Variants in HMCN1 observed in about 807,000 individuals in gnomAD.
HMCN1 encodes the protein hemicentin 1.
A neutral mutation model predicts 625.9 loss-of-function variants in HMCN1; 321 were observed. The ratio of observed to expected loss-of-function variants is 0.51; its 90% CI spans 0.47 to 0.56. The LOEUF (loss-of-function observed/expected upper bound fraction) is 0.56. HMCN1 is among the 20% of genes least tolerant of loss of function. HMCN1 has a pLI of 0.00. For missense variants in HMCN1, 6,588 were observed against 6,887.3 expected, an observed-to-expected ratio of 0.96 and a Z score of 1.54; for synonymous variants, 2,425 against 2,417.6, an observed-to-expected ratio of 1.00 and a Z score of -0.09.
intron 4 of HMCN1, among the ~76,000 whole-genome samples, chr1:185,898,798 A>T (rs1332238150): frequency 2.0e-5 from 3 of 152,100 alleles, no homozygotes; most frequent in African/African-American, 7.2e-5. Flanking sequence ...TTTACTCAAC[A>T]GTTAAGTCTA....
At chr1:185,891,211 A>G (rs1665055531) in intron 4 of HMCN1, among the ~76,000 whole-genome samples, 1 of 137,132 alleles carries the variant, frequency 7.3e-6, no homozygotes, top group Non-Finnish European at 1.5e-5. Context: ...GTGTCTCAGC[A>G]CGTGAGATGG....
At chr1:185,955,378 GAAA>G (rs371044222) in intron 11 of HMCN1, among the ~76,000 whole-genome samples, 5 of 151,444 alleles carry the variant, frequency 3.3e-5, no homozygotes, top group African/African-American at 9.7e-5. Flanking sequence ...AATGCATAGA[GAAA>G]AAAAAGAAAT....
chr1:186,045,419 G>T (rs532704510), intron 40 of HMCN1, among the ~76,000 whole-genome samples: 8 of 152,254 alleles, frequency 5.3e-5, no homozygotes, highest in African/African-American at 1.7e-4. Flanking sequence ...TCTAGTTCTA[G>T]AAGTTTCTTA....
rs778809516 is a variant in HMCN1 at position 186,151,614 on chromosome 1, A to T, written c.14767A>T (p.Met4923Leu). Residue 4923 changes from methionine to leucine, a missense_variant, in exon 95 of 107, where the codon ATG (methionine) becomes TTG (leucine). By Grantham distance (15) the Met-to-Leu change is conservative (BLOSUM62 2). This residue lies in a region of HMCN1 where 1,954 missense variants were observed against 2,013.1 expected (regional missense o/e 0.97). Coordinates refer to ENST00000271588, the MANE Select transcript of HMCN1 (RefSeq NM_031935.3). ...TCCTTTTTTTTCTTTAGGTTCAGCA[A>T]TGAGAAAGATAGTTTCTATTCTAAA... Reference protein sequence around the residue: ...TNVPRSLGSAMRKIVSILNPI... With the variant: ...TNVPRSLGSALRKIVSILNPI... 3 of 1,612,508 alleles carry T rather than the reference A, an allele frequency of 1.9e-6. No individual in the cohort carries two copies. In the South Asian group the frequency reaches 3.3e-5, roughly 18 times the overall value.
At chr1:185,867,206 G>A (rs1487548651) in intron 4 of HMCN1, among the ~76,000 whole-genome samples, 2 of 152,122 alleles carry the variant, frequency 1.3e-5, no homozygotes, top group African/African-American at 4.8e-5. Context: ...TTTTAGAGAG[G>A]GTTATGCCTT....
rs978134981 is a variant in HMCN1 at position 186,153,920 on chromosome 1, T to C, written c.15189T>C (p.Ser5063=). ...PFLVETLHAS[S]VESDYNQIEE... ...TGGTTGAAACACTTCATGCATCCTC[T>C]GTGGAATCTGACTATAACCAGATAG... The change falls in exon 97 of 107, where the codon TCT becomes TCC. Residue 5063 remains serine, a synonymous_variant. Transcript: ENST00000271588. 2.5e-6 allele frequency: 4 copies of C among 1,614,156 alleles called. No homozygotes were observed. The African/African-American group carries it at 4.0e-5, about 16-fold the overall frequency.
At chr1:186,041,632 G>A (rs574503407) in intron 40 of HMCN1, among the ~76,000 whole-genome samples, 3 of 152,128 alleles carry the variant, frequency 2.0e-5, no homozygotes, top group South Asian at 2.1e-4. Context: ...TCTCAATGCC[G>A]CTCACAATGC....
intron 61 of HMCN1, 54 bp from the exon 62 acceptor site, chr1:186,088,091 G>C: frequency 6.2e-7 from 1 of 1,607,772 alleles, no homozygotes; most frequent in South Asian, 1.1e-5. Context: ...AGCTTAATGA[G>C]GACAAATGAT....
intron 31 of HMCN1, 96 bp from the exon 32 acceptor site, chr1:186,015,862 T>A (rs1281410948): frequency 1.7e-6 from 2 of 1,204,384 alleles, no homozygotes; most frequent in Non-Finnish European, 2.4e-6. Flanking sequence ...ATGGTCAAAC[T>A]TTGTGAGAAA....
chr1:185,929,458 T>C (rs1413905155), intron 10 of HMCN1, among the ~76,000 whole-genome samples: 5 of 152,142 alleles, frequency 3.3e-5, no homozygotes, highest in Non-Finnish European at 7.4e-5. Flanking sequence ...GATTAAGCCA[T>C]TTACTCAGCA....
chr1:186,093,938 T>C (rs1393382664), intron 66 of HMCN1, among the ~76,000 whole-genome samples: 1 of 152,136 alleles, frequency 6.6e-6, no homozygotes, highest in Non-Finnish European at 1.5e-5. Flanking sequence ...CAGGAATTAC[T>C]GTTTTAGCTA....
At position 186,041,093 on chromosome 1, in the gene HMCN1, T is replaced by C. The variant is rs1230520061; in HGVS notation, c.6261T>C (p.Asn2087=). 1 of 1,612,912 alleles carries C rather than the reference T, an allele frequency of 6.2e-7. No homozygotes were observed. The highest frequency in any genetic ancestry group is 1.7e-5 in the Admixed American group (1 of 59,946). Residue 2087 remains asparagine, a synonymous_variant, in exon 40 of 107, where the codon AAT becomes AAC. Transcript: ENST00000271588. ...DTGRYTCVAV[N]AAGEKQRDID... ...GAAGGTACACCTGCGTGGCAGTGAA[T>C]GCTGCTGGAGAAAAGCAAAGGGACA...
intron 93 of HMCN1, among the ~76,000 whole-genome samples, chr1:186,146,149 C>T (rs1650305325): frequency 6.6e-6 from 1 of 152,024 alleles, no homozygotes. Flanking sequence ...ATAGTCCTGG[C>T]ATTGACAGGA....
At chr1:185,836,632 A>G (rs1461275054) in intron 1 of HMCN1, among the ~76,000 whole-genome samples, 3 of 152,120 alleles carry the variant, frequency 2.0e-5, no homozygotes, top group African/African-American at 2.4e-5. Context: ...ATCATAAGGT[A>G]CTTTTGTTTA....
rs1387653106 is a variant in HMCN1, at chr1:186,173,664, A to AAAAAAG, written c.15815-845_15815-844insGAAAAA. Among the ~76,000 whole-genome samples, 186 of 147,252 alleles carry AAAAAAG rather than the reference A, an allele frequency of 1.3e-3. 1 individual carries two copies. Among genetic ancestry groups the AAAAAAG allele is most frequent in the African/African-American group, 4.4e-3 (176 of 40,252 alleles). On this transcript the variant is annotated intron_variant, in intron 102 of 106. Coordinates refer to ENST00000271588, the MANE Select transcript of HMCN1 (RefSeq NM_031935.3). The stretch of plus-strand genomic sequence containing the variant: ...TCAAAAAAAAAAAAAAAGAAAAAAG[A>AAAAAAG]AAAAAAAAAAGTAGCAGCCAACTCA...
chr1:186,129,020 G>T (rs1164436027), intron 83 of HMCN1, among the ~76,000 whole-genome samples: 1 of 151,708 alleles, frequency 6.6e-6, no homozygotes. Flanking sequence ...CCAGTTAATG[G>T]CTGGAATTTA....
At chr1:185,965,993 T>C in intron 14 of HMCN1, 78 bp downstream of exon 14, 2 of 923,388 alleles carry the variant, frequency 2.2e-6, no homozygotes, top group South Asian at 1.3e-5. Flanking sequence ...GTTAAAACTT[T>C]GTTTTGGTGT....
At chr1:185,942,683 C>T (rs1261138575) in intron 11 of HMCN1, among the ~76,000 whole-genome samples, 1 of 152,116 alleles carries the variant, frequency 6.6e-6, no homozygotes, top group African/African-American at 2.4e-5. Flanking sequence ...ACTCTCTAGG[C>T]CCCAACTGGG....
At chr1:186,071,711 A>G (rs989265950) in intron 52 of HMCN1, among the ~76,000 whole-genome samples, 67 of 152,298 alleles carry the variant, frequency 4.4e-4, no homozygotes, top group African/African-American at 1.6e-3. Flanking sequence ...CATCTTATAA[A>G]ATAAGCAAGT....
Sources: gnomAD v4.1 joint callset for allele counts (sites outside exome capture counted in the v4.1 genomes callset) on GRCh38, gnomAD v4.1.1 for gene constraint, gnomAD v4.1.1 regional missense constraint, MANE v1.5 for transcripts, NCBI Gene and HGNC (gene_info 2026-07-23, HGNC 2026-07-21) for gene names.